Variants in DGKG observed in about 807,000 individuals in gnomAD.
DGKG encodes the protein DAG kinase gamma.
A neutral mutation model predicts 105.3 loss-of-function variants in DGKG; 78 were observed. The observed-to-expected ratio is 0.74, with a 90% CI of 0.62 to 0.89. The LOEUF (loss-of-function observed/expected upper bound fraction) is 0.89, where lower values mean the gene tolerates loss of function less well. Ranked by LOEUF, DGKG falls within the 40% of genes least tolerant of loss-of-function variation. DGKG has a pLI of 0.00. For missense variants in DGKG, 958 were observed against 1,020.1 expected (o/e 0.94, Z 0.83); for synonymous variants, 346 against 367.1 (o/e 0.94, Z 0.66).
intron 1 of DGKG, among the ~76,000 whole-genome samples, chr3:186,328,069 A>G (rs908472080): frequency 1.3e-5 from 2 of 152,194 alleles, no homozygotes; most frequent in Non-Finnish European, 2.9e-5. Flanking sequence ...GGAGGACCCC[A>G]TAAGCATTAT....
At chr3:186,283,444 C>T (rs1578774023) in intron 7 of DGKG, among the ~76,000 whole-genome samples, 1 of 152,264 alleles carries the variant, frequency 6.6e-6, no homozygotes, top group South Asian at 2.1e-4. Flanking sequence ...GAATTACTCC[C>T]TCACCTTCTT....
At chr3:186,321,216 A>G (rs1452158217) in intron 1 of DGKG, among the ~76,000 whole-genome samples, 1 of 152,222 alleles carries the variant, frequency 6.6e-6, no homozygotes, top group African/African-American at 2.4e-5. Flanking sequence ...GCTGGCCTCA[A>G]TGAGGCCGGG....
rs1166992449 is a variant in DGKG, at chr3:186,251,868, G to C, written c.1652C>G (p.Pro551Arg). Residue 551 changes from proline (P) to arginine (R), a missense_variant, in exon 19 of 25, where the codon CCC (proline) becomes CGC (arginine). By Grantham distance (103) the Pro-to-Arg change is moderately radical (BLOSUM62 -2). This residue lies in a region of DGKG where 315 missense variants were observed against 400.6 expected (regional missense o/e 0.79). Coordinates refer to ENST00000265022, the MANE Select transcript of DGKG (RefSeq NM_001346.3). ...ATGCCAGCGGTCCAGCATCACCAAGGGGCTCTGCTCAATGTCTTTCAGGAT... is the reference window on the plus strand; with the variant it reads ...ATGCCAGCGGTCCAGCATCACCAAGCGGCTCTGCTCAATGTCTTTCAGGAT... ...TKILKDIEQS[P>R]LVMLDRWHLE... 12 of 1,610,932 alleles carry C rather than the reference G, an allele frequency of 7.4e-6. No individual in the cohort carries two copies. The highest frequency in any genetic ancestry group is 1.7e-4 in the Middle Eastern group (1 of 6,022).
At chr3:186,280,613 T>A (rs1722786170) in intron 8 of DGKG, 57 bp downstream of exon 8, 1 of 1,357,482 alleles carries the variant, frequency 7.4e-7, no homozygotes, top group East Asian at 2.3e-5. Context: ...CTTGAGTGTG[T>A]CCCCCTCCCG....
In DGKG at chr3:186,247,348, C is replaced by T. The variant is rs189683739; in HGVS notation, c.1761+4411G>A. ...ATCAGAGAAAATTCTACCCACAGCA[C>T]CCAAGGGCACTGTCTCAGAGGTCAT... On this transcript the variant is annotated intron_variant, in intron 19 of 24. Transcript: ENST00000265022. Among the ~76,000 whole-genome samples, 378 of 152,262 alleles carry T rather than the reference C, an allele frequency of 2.5e-3. 2 individuals are homozygous for T. The highest frequency in any genetic ancestry group is 8.2e-3 in the African/African-American group (341 of 41,548).
chr3:186,273,370 T>C lies in DGKG; in HGVS notation c.911-1027A>G, dbSNP rs1458130159. 7.1e-4 allele frequency among the ~76,000 whole-genome samples: 90 copies of C among 127,542 alleles called. 7 individuals are homozygous for C. The highest frequency in any genetic ancestry group is 2.2e-3 in the African/African-American group (79 of 35,616). 83.7% of individuals were successfully genotyped at this position (127,542 alleles called of 152,430 possible). A position where few individuals can be genotyped will look rare whatever the true frequency, so the allele number is the denominator to read the frequency against. On this transcript the variant is annotated intron_variant, in intron 10 of 24. Transcript: ENST00000265022. The stretch of plus-strand genomic sequence containing the variant: ...CGCTGGGGAGACTGTTGTACCCCTT[T>C]TTTTTTTTTTTTTTTTTTTTTTTGA...
intron 21 of DGKG, among the ~76,000 whole-genome samples, chr3:186,193,679 G>A (rs973525937): frequency 1.3e-5 from 2 of 152,210 alleles, no homozygotes; most frequent in African/African-American, 4.8e-5. Context: ...GTGGAGCCGA[G>A]CCCGGGACGC....
At chr3:186,350,810 G>C (rs1211492311) in intron 1 of DGKG, among the ~76,000 whole-genome samples, 2 of 152,130 alleles carry the variant, frequency 1.3e-5, no homozygotes, top group African/African-American at 4.8e-5. Flanking sequence ...GTATGAAGTG[G>C]CATCTCATTG....
chr3:186,287,325 C>T (rs1723117095), intron 6 of DGKG, among the ~76,000 whole-genome samples: 1 of 152,096 alleles, frequency 6.6e-6, no homozygotes, highest in South Asian at 2.1e-4. Flanking sequence ...GAAATATTTA[C>T]AGATTATATG....
In DGKG at chr3:186,252,369, C is replaced by T. The variant is rs987915394; in HGVS notation, c.1601-450G>A. On this transcript the variant is annotated intron_variant, in intron 18 of 24. Transcript: ENST00000265022. ...TCATTGAACACTGACCATTGCACTGCCTGGTCTTGACTCATTCTCTGAATT... is the reference window on the plus strand; with the variant it reads ...TCATTGAACACTGACCATTGCACTGTCTGGTCTTGACTCATTCTCTGAATT... Among the ~76,000 whole-genome samples the T allele has an allele frequency of 2.6e-5, 4 of 152,374 alleles. No homozygotes were observed. In the East Asian group the frequency reaches 7.7e-4, roughly 29 times the overall value.
At chr3:186,278,778 C>T (rs183486380) in intron 9 of DGKG, among the ~76,000 whole-genome samples, 6 of 152,278 alleles carry the variant, frequency 3.9e-5, no homozygotes, top group Admixed American at 3.9e-4. Context: ...TAGAGGCTCA[C>T]CCAGCTGCAC....
chr3:186,233,638 C>A (rs564744690), intron 20 of DGKG, among the ~76,000 whole-genome samples: 2 of 152,196 alleles, frequency 1.3e-5, no homozygotes, highest in East Asian at 3.8e-4. Context: ...CACCACCACG[C>A]CTGGCTAATT....
At chr3:186,213,026 T>C (rs1158981231) in intron 20 of DGKG, among the ~76,000 whole-genome samples, 1 of 152,198 alleles carries the variant, frequency 6.6e-6, no homozygotes, top group Non-Finnish European at 1.5e-5. Context: ...CACAACTCTT[T>C]TCTGCAGATT....
chr3:186,164,434 T>A (rs529044269), intron 23 of DGKG, among the ~76,000 whole-genome samples: 17 of 152,372 alleles, frequency 1.1e-4, no homozygotes, highest in African/African-American at 3.6e-4. Context: ...GTTTTGCTGA[T>A]GTTGATGGCT....
At chr3:186,307,033 C>A in intron 2 of DGKG, 56 bp from the exon 3 acceptor site, 1 of 1,223,016 alleles carries the variant, frequency 8.2e-7, no homozygotes, top group East Asian at 2.3e-5. Flanking sequence ...GGAAGCTGGG[C>A]CAAGTAAATT....
intron 3 of DGKG, among the ~76,000 whole-genome samples, chr3:186,299,809 C>CTT (rs1444465751): frequency 1.0e-5 from 1 of 97,468 alleles, no homozygotes; most frequent in Non-Finnish European, 2.1e-5. Context: ...TTCTTTCTTT[C>CTT]TTTCTTTCTT....
chr3:186,194,326 C>G (rs1411948784), intron 21 of DGKG, among the ~76,000 whole-genome samples: 3 of 152,244 alleles, frequency 2.0e-5, no homozygotes, highest in Non-Finnish European at 4.4e-5. Flanking sequence ...CAGAGGCCGC[C>G]GACTTCTCCG....
chr3:186,319,118 T>C (rs1419331302), intron 2 of DGKG, among the ~76,000 whole-genome samples: 2 of 152,168 alleles, frequency 1.3e-5, no homozygotes, highest in South Asian at 4.1e-4. Flanking sequence ...GGGTGATTTT[T>C]TGCTTCTTGT....
chr3:186,287,072 T>C (rs1168970467), intron 6 of DGKG, among the ~76,000 whole-genome samples: 1 of 66,246 alleles, frequency 1.5e-5, no homozygotes, highest in African/African-American at 6.2e-5. Context: ...AGGAAAAAAT[T>C]AGCAAAAGAT....
Sources: allele counts gnomAD v4.1 joint callset (sites outside exome capture counted in the v4.1 genomes callset), GRCh38; gene constraint gnomAD v4.1.1; regional missense constraint gnomAD v4.1.1; transcripts MANE v1.5; gene names NCBI Gene and HGNC (gene_info 2026-07-23, HGNC 2026-07-21).